Variants in DLG2 observed in about 807,000 individuals in gnomAD.
DLG2 encodes disks large homolog 2.
Under a neutral mutation model 132.5 loss-of-function variants are expected in DLG2, and 45 were observed. The ratio of observed to expected loss-of-function variants is 0.34; its 90% CI spans 0.27 to 0.44. The LOEUF is 0.44. DLG2 is among the 20% of genes least tolerant of loss of function. DLG2 has a pLI of 1.00. For synonymous variants in DLG2, 424 were observed against 419.6 expected, an observed-to-expected ratio of 1.01 and a Z score of -0.13; for missense variants, 1,045 against 1,196.9, an observed-to-expected ratio of 0.87 and a Z score of 1.87.
At position 84,569,090 on chromosome 11, in the gene DLG2, G is replaced by A. The variant is rs112481297; in HGVS notation, c.358-34359C>T. Reference sequence around the variant, plus strand: ...TCAGCTTTGTAGTGCCCAGCCAGTGGTCTCACTGAACAACAGAGTTCAGCC... The same window carrying A: ...TCAGCTTTGTAGTGCCCAGCCAGTGATCTCACTGAACAACAGAGTTCAGCC... On this transcript the variant is annotated intron_variant, in intron 6 of 27. Transcript: ENST00000376104. Among the ~76,000 whole-genome samples, 34 of 152,238 alleles carry A rather than the reference G, an allele frequency of 2.2e-4. 1 individual carries two copies. Among genetic ancestry groups the A allele is most frequent in the Middle Eastern group, 6.8e-3 (2 of 294 alleles).
At chr11:85,360,264 G>C (rs534357596) in intron 3 of DLG2, among the ~76,000 whole-genome samples, 1 of 152,296 alleles carries the variant, frequency 6.6e-6, no homozygotes, top group South Asian at 2.1e-4. Context: ...TGTCTGAAAG[G>C]CTTCCATTCT....
chr11:83,972,352 G>T (rs2091485881), intron 12 of DLG2, among the ~76,000 whole-genome samples: 1 of 152,012 alleles, frequency 6.6e-6, no homozygotes, highest in African/African-American at 2.4e-5. Context: ...TATGAGAAAA[G>T]AATAATACCA....
chr11:85,581,772 T>C (rs2078543204), intron 3 of DLG2, among the ~76,000 whole-genome samples: 1 of 152,174 alleles, frequency 6.6e-6, no homozygotes, highest in African/African-American at 2.4e-5. Flanking sequence ...GCAGAGTATA[T>C]GGATGCAGAT....
intron 21 of DLG2, among the ~76,000 whole-genome samples, chr11:83,511,044 A>AAACCCC (rs58621950): frequency 7.3e-6 from 1 of 137,660 alleles, no homozygotes; most frequent in Admixed American, 7.2e-5. Flanking sequence ...AAAAAAAAAA[A>AAACCCC]CCCTCTCTGT....
chr11:84,807,133 GAACA>G (rs1445940759), intron 6 of DLG2, among the ~76,000 whole-genome samples: 4 of 152,008 alleles, frequency 2.6e-5, no homozygotes, highest in Non-Finnish European at 2.9e-5. Context: ...AAAACAGAGA[GAACA>G]AATAGAAAAT....
intron 5 of DLG2, among the ~76,000 whole-genome samples, chr11:85,117,380 A>C (rs1402057423): frequency 1.3e-5 from 2 of 152,042 alleles, no homozygotes; most frequent in Admixed American, 6.6e-5. Context: ...TTAGTTATGA[A>C]GATTTTAAAA....
At chr11:83,609,067 G>A (rs2059745284) in intron 19 of DLG2, among the ~76,000 whole-genome samples, 1 of 152,048 alleles carries the variant, frequency 6.6e-6, no homozygotes, top group Admixed American at 6.5e-5. Flanking sequence ...GTTTCATATG[G>A]TTTAACCTAA....
At chr11:83,657,944 C>T (rs540677371) in intron 18 of DLG2, among the ~76,000 whole-genome samples, 16 of 152,252 alleles carry the variant, frequency 1.1e-4, no homozygotes, top group African/African-American at 3.1e-4. Context: ...CATGAGCACA[C>T]ACATATCAAA....
intron 6 of DLG2, among the ~76,000 whole-genome samples, chr11:84,943,948 A>G (rs1022214809): frequency 6.6e-6 from 1 of 151,926 alleles, no homozygotes; most frequent in African/African-American, 2.4e-5. Flanking sequence ...GAAATCCCTC[A>G]CCTTTTGTTT....
intron 3 of DLG2, among the ~76,000 whole-genome samples, chr11:85,304,030 AC>A (rs1565295491): frequency 6.6e-6 from 1 of 152,190 alleles, no homozygotes; most frequent in South Asian, 2.1e-4. Flanking sequence ...TTTTTGTCAA[AC>A]AAAATCTTAG....
intron 7 of DLG2, among the ~76,000 whole-genome samples, chr11:84,371,880 T>G (rs1201774250): frequency 6.6e-6 from 1 of 152,200 alleles, no homozygotes; most frequent in Non-Finnish European, 1.5e-5. Context: ...TAATTTTACT[T>G]TATTAAAAAG....
intron 5 of DLG2, among the ~76,000 whole-genome samples, chr11:85,126,992 G>C (rs1363486332): frequency 6.6e-6 from 1 of 152,152 alleles, no homozygotes; most frequent in Non-Finnish European, 1.5e-5. Context: ...AAATAGGAGA[G>C]AGCTCAAATC....
intron 3 of DLG2, among the ~76,000 whole-genome samples, chr11:85,390,729 T>G (rs1460462665): frequency 6.6e-6 from 1 of 152,070 alleles, no homozygotes; most frequent in Admixed American, 6.6e-5. Context: ...ATTTAAAAAT[T>G]CTTTCAACTA....
At chr11:84,895,791 T>A (rs2090106753) in intron 6 of DLG2, among the ~76,000 whole-genome samples, 1 of 152,108 alleles carries the variant, frequency 6.6e-6, no homozygotes. Flanking sequence ...TGTATCAAGT[T>A]AAGAGCAGAG....
At chr11:83,694,596 G>C (rs1036239884) in intron 18 of DLG2, among the ~76,000 whole-genome samples, 2 of 152,238 alleles carry the variant, frequency 1.3e-5, no homozygotes, top group South Asian at 2.1e-4. Context: ...CTTCCTGTTT[G>C]CCAGACTGTT....
At chr11:84,535,617 T>C (rs1301769475) in intron 6 of DLG2, among the ~76,000 whole-genome samples, 1 of 152,186 alleles carries the variant, frequency 6.6e-6, no homozygotes, top group Non-Finnish European at 1.5e-5. Context: ...TTGGGGTCTA[T>C]CTCCATTTTT....
chr11:85,466,869 G>A (rs1264154653), intron 3 of DLG2, among the ~76,000 whole-genome samples: 1 of 152,098 alleles, frequency 6.6e-6, no homozygotes, highest in East Asian at 1.9e-4. Context: ...AGCTTGATGG[G>A]GATGGCATTG....
chr11:83,920,762 T>C (rs1193980854), intron 15 of DLG2, among the ~76,000 whole-genome samples: 1 of 142,802 alleles, frequency 7.0e-6, no homozygotes, highest in African/African-American at 2.6e-5. Flanking sequence ...GAAAAGTCCC[T>C]TGCTCAAGTT....
chr11:84,766,419 G>A (rs1472068482), intron 6 of DLG2, among the ~76,000 whole-genome samples: 2 of 151,828 alleles, frequency 1.3e-5, no homozygotes, highest in Non-Finnish European at 1.5e-5. Flanking sequence ...CATCGCTCAG[G>A]GATAATATTC....
Sources: allele counts gnomAD v4.1 joint callset (sites outside exome capture counted in the v4.1 genomes callset), GRCh38; gene constraint gnomAD v4.1.1; transcripts MANE v1.5; gene names NCBI Gene and HGNC (gene_info 2026-07-23, HGNC 2026-07-21).